The following RERE variants were observed in gnomAD, a reference collection of about 807,000 sequenced individuals.
The protein encoded by RERE is arginine-glutamic acid dipeptide repeats protein.
RERE carries 40 observed loss-of-function variants against 146.1 expected under a neutral mutation model. The observed-to-expected ratio is 0.27, with a 90% CI of 0.21 to 0.36. RERE has a LOEUF of 0.36. Among genes scored for constraint, RERE ranks in the 10% least tolerant of loss-of-function variants. The pLI is 1.00. For missense variants in RERE, 1,933 were observed against 2,138.7 expected (o/e 0.90, Z 1.90); for synonymous variants, 1,003 against 866.0 (o/e 1.16, Z -2.78).
chr1:8,373,546 T>TA (rs1320503949), intron 12 of RERE, among the ~76,000 whole-genome samples: 7 of 152,110 alleles, frequency 4.6e-5, no homozygotes, highest in Non-Finnish European at 8.8e-5. Context: ...AAGCATGGTG[T>TA]AGAGCTGCTT....
At position 8,516,227 on chromosome 1, in the gene RERE, G is replaced by GAAAAAAAAAAAAAAA. The variant is rs58064164; in HGVS notation, c.831-7567_831-7553dup. Reference sequence around the variant, plus strand: ...GGGACGGAGCAAGACTCTCTCAGAGGAAAAAAAAAAAAAAAAAAAAAATCT... The same window carrying GAAAAAAAAAAAAAAA: ...GGGACGGAGCAAGACTCTCTCAGAGGAAAAAAAAAAAAAAAAAAAAAAAAAAAAAAAAAAAAATCT... On this transcript the variant is annotated intron_variant, in intron 7 of 22. Coordinates refer to ENST00000400908, the MANE Select transcript of RERE (RefSeq NM_001042681.2). 2.2e-3 allele frequency among the ~76,000 whole-genome samples: 113 copies of GAAAAAAAAAAAAAAA among 52,298 alleles called. 8 individuals are homozygous for GAAAAAAAAAAAAAAA. Among genetic ancestry groups the GAAAAAAAAAAAAAAA allele is most frequent in the Non-Finnish European group, 2.5e-3 (77 of 30,644 alleles). The allele number at this position is 52,298 out of a possible 152,430, so 34.3% of individuals were successfully genotyped here.
At chr1:8,469,596 C>T (rs754560910) in intron 10 of RERE, among the ~76,000 whole-genome samples, 1 of 152,096 alleles carries the variant, frequency 6.6e-6, no homozygotes, top group African/African-American at 2.4e-5. Flanking sequence ...GCACTCCAGC[C>T]TGAGAGACAG....
chr1:8,727,658 T>A (rs566423289), intron 1 of RERE, among the ~76,000 whole-genome samples: 1 of 152,228 alleles, frequency 6.6e-6, no homozygotes, highest in Non-Finnish European at 1.5e-5. Context: ...CACGTCCAGC[T>A]GATTTTTGTA....
chr1:8,593,467 G>T (rs1302650005), intron 4 of RERE, among the ~76,000 whole-genome samples: 1 of 152,182 alleles, frequency 6.6e-6, no homozygotes, highest in Non-Finnish European at 1.5e-5. Flanking sequence ...TCTCTTGCCT[G>T]CCACCATGTA....
chr1:8,564,870 G>GTGTGTGTGTGTGTATATA (rs1269710840), intron 4 of RERE, among the ~76,000 whole-genome samples: 2 of 127,340 alleles, frequency 1.6e-5, no homozygotes, highest in Non-Finnish European at 3.3e-5. Context: ...GTGTGTGTGT[G>GTGTGTGTGTGTGTATATA]TATATATATA....
chr1:8,409,687 T>C (rs1643559017), intron 12 of RERE, among the ~76,000 whole-genome samples: 1 of 152,208 alleles, frequency 6.6e-6, no homozygotes, highest in Admixed American at 6.5e-5. Context: ...AAGGCGTATG[T>C]CTGCTAAATG....
intron 1 of RERE, among the ~76,000 whole-genome samples, chr1:8,781,650 T>C (rs1305942746): frequency 2.6e-5 from 4 of 151,340 alleles, no homozygotes; most frequent in African/African-American, 9.7e-5. Context: ...ACGGGGATAA[T>C]ACCTGTTACA....
intron 1 of RERE, among the ~76,000 whole-genome samples, chr1:8,698,179 C>A (rs1639374785): frequency 6.6e-6 from 1 of 152,186 alleles, no homozygotes; most frequent in African/African-American, 2.4e-5. Flanking sequence ...TCCCCAGCCT[C>A]ATTCCTGAGA....
Position 8,375,806 on chromosome 1 carries a change from C to T in RERE, c.1285-9832G>A, listed in dbSNP as rs149665089. Among the ~76,000 whole-genome samples the T allele has an allele frequency of 8.3e-3, 1,258 of 151,206 alleles. 25 individuals are homozygous for T. The highest frequency in any genetic ancestry group is 0.028 in the African/African-American group (1,154 of 40,546). The stretch of plus-strand genomic sequence containing the variant: ...CCACTGAAAATGCTTCCTCACTCAG[C>T]AGCCACTGAAAATGCATCCTCACTC... On this transcript the variant is annotated intron_variant, in intron 12 of 22. Transcript: ENST00000400908.
At chr1:8,676,076 A>G (rs1638834863) in intron 1 of RERE, among the ~76,000 whole-genome samples, 1 of 152,238 alleles carries the variant, frequency 6.6e-6, no homozygotes, top group South Asian at 2.1e-4. Context: ...ATATGTAAGA[A>G]AACTGTTCAA....
chr1:8,698,178 T>G (rs1379396297), intron 1 of RERE, among the ~76,000 whole-genome samples: 1 of 152,212 alleles, frequency 6.6e-6, no homozygotes, highest in African/African-American at 2.4e-5. Flanking sequence ...TTCCCCAGCC[T>G]CATTCCTGAG....
At chr1:8,643,001 G>C (rs1647200328) in intron 2 of RERE, among the ~76,000 whole-genome samples, 1 of 152,168 alleles carries the variant, frequency 6.6e-6, no homozygotes, top group Non-Finnish European at 1.5e-5. Context: ...ACTTTTCCAA[G>C]TACCTGGGAT....
At chr1:8,573,836 C>G (rs1438509295) in intron 4 of RERE, among the ~76,000 whole-genome samples, 1 of 152,108 alleles carries the variant, frequency 6.6e-6, no homozygotes, top group Non-Finnish European at 1.5e-5. Flanking sequence ...TGGAGACAGT[C>G]TCACTCTCAC....
intron 1 of RERE, among the ~76,000 whole-genome samples, chr1:8,814,720 T>A (rs959649675): frequency 2.0e-5 from 3 of 152,220 alleles, no homozygotes; most frequent in East Asian, 1.9e-4. Context: ...AAAACTTTTT[T>A]AAAAGACTGC....
intron 2 of RERE, among the ~76,000 whole-genome samples, chr1:8,640,417 T>C (rs1480197194): frequency 6.6e-6 from 1 of 152,158 alleles, no homozygotes; most frequent in Non-Finnish European, 1.5e-5. Flanking sequence ...AAACTGTACC[T>C]TTGCCTTTTA....
At chr1:8,510,101 G>A (rs1475774405) in intron 7 of RERE, among the ~76,000 whole-genome samples, 1 of 152,126 alleles carries the variant, frequency 6.6e-6, no homozygotes, top group Non-Finnish European at 1.5e-5. Context: ...AGGAGAAGAC[G>A]AAGAAGAGGA....
Position 8,355,578 on chromosome 1 carries a change from A to G in RERE, c.4508T>C (p.Leu1503Pro). 6.3e-7 allele frequency: 1 copy of G among 1,589,130 alleles called. No homozygotes were observed. The highest frequency in any genetic ancestry group is 8.6e-7 in the Non-Finnish European group (1 of 1,165,170). The change falls in exon 22 of 23, where the codon CTG becomes CCG. Residue 1503 changes from leucine (L) to proline (P), a missense_variant. By Grantham distance (98) the Leu-to-Pro change is moderately conservative. Transcript: ENST00000400908. ...CATGGGGGGTGGGATGGCCCCAGGCAGGTCACGGGGGTAGGGGGTGCCTGC... is the reference window on the plus strand; with the variant it reads ...CATGGGGGGTGGGATGGCCCCAGGCGGGTCACGGGGGTAGGGGGTGCCTGC... ...PVFGTPYPRD[L>P]PGAIPPPMSA...
In RERE at chr1:8,360,698, G is replaced by T; in HGVS notation, c.2809C>A (p.Pro937Thr). The change falls in exon 18 of 23, where the codon CCC becomes ACC. Residue 937 changes from proline (P) to threonine (T), a missense_variant. This residue lies in a region of RERE where 1,255 missense variants were observed against 1,153.8 expected (regional missense o/e 1.09). Coordinates refer to ENST00000400908, the MANE Select transcript of RERE (RefSeq NM_001042681.2). The stretch of plus-strand genomic sequence containing the variant: ...TGGGCCTGTGGCGCCGGCAGCTGGG[G>T]GATGGGAGTGGTAGGCGGGGGCTTG... ...HIKPPPTTPI[P>T]QLPAPQAHKH... 6.4e-7 allele frequency: 1 copy of T among 1,569,858 alleles called. No individual in the cohort carries two copies. Among genetic ancestry groups the T allele is most frequent in the Non-Finnish European group, 8.6e-7 (1 of 1,158,858 alleles).
In RERE at chr1:8,354,848, CA is replaced by C; in HGVS notation, c.*238del. On this transcript the variant is annotated 3_prime_UTR_variant, in exon 23 of 23. Transcript: ENST00000400908. ...AGCTTTCTGGATGTTCAGTCCAGTC[CA>C]GGACTCACTAAGTTTCTGGGGGACT... 1 of 568,586 alleles carries C rather than the reference CA, an allele frequency of 1.8e-6. No homozygotes were observed. The highest frequency in any genetic ancestry group is 3.1e-6 in the Non-Finnish European group (1 of 324,068). The allele number at this position is 568,586 out of a possible 1,614,324, so 35.2% of individuals were successfully genotyped here. A position where few individuals can be genotyped will look rare whatever the true frequency, so the allele number is the denominator to read the frequency against.
Sources: allele counts gnomAD v4.1 joint callset (sites outside exome capture counted in the v4.1 genomes callset), GRCh38; gene constraint gnomAD v4.1.1; regional missense constraint gnomAD v4.1.1; transcripts MANE v1.5; gene names NCBI Gene and HGNC (gene_info 2026-07-23, HGNC 2026-07-21).